FAM81A: variants seen among roughly 807,000 people sequenced by gnomAD.
FAM81A encodes family with sequence similarity 81 member A.
Under a neutral mutation model 46.7 loss-of-function variants are expected in FAM81A, and 19 were observed. The observed-to-expected ratio is 0.41, with a 90% CI of 0.28 to 0.60. The LOEUF is 0.60. Among genes scored for constraint, FAM81A ranks in the 20% least tolerant of loss-of-function variants. The pLI is 0.34. For synonymous variants in FAM81A, 183 were observed against 152.9 expected (o/e 1.20, Z -1.45); for missense variants, 377 against 453.5 (o/e 0.83, Z 1.53).
chr15:59,444,739 C>G (rs1187012870), intron 1 of FAM81A, among the ~76,000 whole-genome samples: 1 of 152,138 alleles, frequency 6.6e-6, no homozygotes, highest in Non-Finnish European at 1.5e-5. Context: ...CTACTGTCCT[C>G]CCTCTCCCTA....
chr15:59,436,964 C>G (rs2081247387), upstream of FAM81A, among the ~76,000 whole-genome samples: 1 of 152,152 alleles, frequency 6.6e-6, no homozygotes, highest in African/African-American at 2.4e-5. Flanking sequence ...ACCATTGTGT[C>G]TCAGGGCTAA....
intron 1 of FAM81A, among the ~76,000 whole-genome samples, chr15:59,451,045 C>T (rs147765997): frequency 5.9e-4 from 90 of 152,328 alleles, no homozygotes; most frequent in Non-Finnish European, 1.0e-4. Flanking sequence ...CCCTATGAGT[C>T]TGTCCACCAC....
At position 59,460,669 on chromosome 15, in the gene FAM81A, C is replaced by A; in HGVS notation, c.294+463C>A. ...AGGCATTTGGATTGCTCCTCAGACT[C>A]CCCTTTTTACTGCTGTAGTTTTCTT... On this transcript the variant is annotated intron_variant, in intron 3 of 8. Coordinates refer to ENST00000288228, the MANE Select transcript of FAM81A (RefSeq NM_152450.3). This position sits in a 1 kb window ranked among gnomAD's most constrained non-coding sequence, Gnocchi z 4.4. The A allele has an allele frequency of 4.7e-6, 1 of 213,934 alleles. No homozygotes were observed. The highest frequency in any genetic ancestry group is 9.5e-6 in the Non-Finnish European group (1 of 105,394). 13.3% of individuals were successfully genotyped at this position (213,934 alleles called of 1,614,324 possible). A position where few individuals can be genotyped will look rare whatever the true frequency, so the allele number is the denominator to read the frequency against.
intron 8 of FAM81A, among the ~76,000 whole-genome samples, chr15:59,519,315 G>C (rs2082301859): frequency 1.3e-5 from 2 of 151,904 alleles, no homozygotes; most frequent in African/African-American, 4.8e-5. Context: ...CAGCCCCGCG[G>C]GTAGCTGGGA....
upstream of FAM81A, among the ~76,000 whole-genome samples, chr15:59,436,537 G>C (rs1400056205): frequency 6.6e-6 from 1 of 152,194 alleles, no homozygotes; most frequent in Non-Finnish European, 1.5e-5. Context: ...AGACAGGCAA[G>C]AAATATTTTG....
chr15:59,519,112 C>A (rs2082299196), intron 8 of FAM81A, among the ~76,000 whole-genome samples: 1 of 152,018 alleles, frequency 6.6e-6, no homozygotes, highest in African/African-American at 2.4e-5. Context: ...TATCTTTTGA[C>A]CTGCATCTCC....
chr15:59,485,474 G>A (rs1369097993), intron 3 of FAM81A, among the ~76,000 whole-genome samples: 1 of 152,158 alleles, frequency 6.6e-6, no homozygotes, highest in African/African-American at 2.4e-5. Flanking sequence ...GTCTCTGCCT[G>A]GTAATCCAGA....
chr15:59,426,382 G>T (rs61340984), intron 2 of FAM81A, among the ~76,000 whole-genome samples: 2 of 152,060 alleles, frequency 1.3e-5, no homozygotes, highest in South Asian at 2.1e-4. Context: ...CGAGGTGGGC[G>T]ATCACCTGAG....
intron 4 of FAM81A, among the ~76,000 whole-genome samples, chr15:59,501,684 C>G (rs2082092535): frequency 6.6e-6 from 1 of 152,112 alleles, no homozygotes; most frequent in Admixed American, 6.5e-5. Flanking sequence ...TTAGGTAAGC[C>G]TAGCAATAGA....
intron 1 of FAM81A, among the ~76,000 whole-genome samples, chr15:59,449,943 A>T (rs577007718): frequency 1.3e-5 from 2 of 150,118 alleles, no homozygotes; most frequent in East Asian, 1.9e-4. Context: ...TTTTTGTGAG[A>T]CAAAATCTCA....
chr15:59,431,658 C>G (rs1261880783), intron 2 of FAM81A, among the ~76,000 whole-genome samples: 3 of 151,950 alleles, frequency 2.0e-5, no homozygotes, highest in Non-Finnish European at 4.4e-5. Flanking sequence ...TGCCATGGTT[C>G]CTTTGATATT....
intron 3 of FAM81A, among the ~76,000 whole-genome samples, chr15:59,472,933 C>T (rs1399034801): frequency 6.6e-6 from 1 of 152,098 alleles, no homozygotes; most frequent in African/African-American, 2.4e-5. Flanking sequence ...TTTTTGGGTG[C>T]TGAGTCAGTT....
rs183185969 is a variant in FAM81A at position 59,520,450 on chromosome 15, C to T, written c.983-804C>T. ...CACATCGTATTTAGTTGTCATGTTT[C>T]TTTATTTAGTCTCTATTAATCTGGA... On this transcript the variant is annotated intron_variant, in intron 8 of 8. Transcript: ENST00000288228. Among the ~76,000 whole-genome samples, 151 of 151,886 alleles carry T rather than the reference C, an allele frequency of 9.9e-4. 1 individual carries two copies. Among genetic ancestry groups the T allele is most frequent in the African/African-American group, 3.3e-3 (136 of 41,394 alleles).
intron 4 of FAM81A, among the ~76,000 whole-genome samples, chr15:59,500,544 C>A (rs535356389): frequency 6.6e-6 from 1 of 152,162 alleles, no homozygotes; most frequent in African/African-American, 2.4e-5. Context: ...TCAAGCAATT[C>A]TCCTGCCTCA....
chr15:59,427,246 G>C (rs375903695), intron 2 of FAM81A, among the ~76,000 whole-genome samples: 5 of 152,052 alleles, frequency 3.3e-5, no homozygotes, highest in African/African-American at 1.2e-4. Flanking sequence ...GAGCAGCTGG[G>C]ATCACAGGTG....
intron 2 of FAM81A, among the ~76,000 whole-genome samples, chr15:59,410,461 C>G (rs2081115556): frequency 2.0e-5 from 3 of 152,178 alleles, no homozygotes; most frequent in Admixed American, 1.3e-4. Flanking sequence ...AAACCTTATC[C>G]TCCTCTGTGC....
At chr15:59,512,420 C>T (rs2141831476) in intron 6 of FAM81A, among the ~76,000 whole-genome samples, 1 of 117,206 alleles carries the variant, frequency 8.5e-6, no homozygotes, top group South Asian at 2.9e-4. Context: ...TGCAGTGAGC[C>T]AAAATCACAC....
intron 4 of FAM81A, among the ~76,000 whole-genome samples, chr15:59,499,235 T>C (rs1281892787): frequency 6.6e-6 from 1 of 152,242 alleles, no homozygotes; most frequent in East Asian, 1.9e-4. Flanking sequence ...TTTTTTATAT[T>C]GCAGGATCAG....
At chr15:59,412,367 C>T (rs1196402231) in intron 2 of FAM81A, among the ~76,000 whole-genome samples, 1 of 152,136 alleles carries the variant, frequency 6.6e-6, no homozygotes, top group Non-Finnish European at 1.5e-5. Context: ...AAACTTTCTT[C>T]AGTCAGAATT....
Sources: gnomAD v4.1 joint callset for allele counts (sites outside exome capture counted in the v4.1 genomes callset) on GRCh38, gnomAD v4.1.1 for gene constraint, Gnocchi (gnomAD v3.1) non-coding constraint, MANE v1.5 for transcripts, NCBI Gene and HGNC (gene_info 2026-07-23, HGNC 2026-07-21) for gene names.